The following MORC4 variants were observed in gnomAD, a reference collection of about 807,000 sequenced individuals.
MORC4 encodes MORC family CW-type zinc finger protein 4.
In MORC4, 22 loss-of-function variants were observed where a neutral mutation model predicts 65.5. That is an observed-to-expected ratio of 0.34 (90% CI 0.24 to 0.48). The LOEUF is 0.48. Ranked by LOEUF, MORC4 falls within the 20% of genes least tolerant of loss-of-function variation. The pLI, the probability that MORC4 is intolerant of heterozygous loss-of-function variation, is 0.99. For missense variants in MORC4, 624 were observed against 703.0 expected, an observed-to-expected ratio of 0.89 and a Z score of 1.27; for synonymous variants, 267 against 255.8, an observed-to-expected ratio of 1.04 and a Z score of -0.42.
chrX:106,944,120 A>T (rs1369556165), intron 14 of MORC4, among the ~76,000 whole-genome samples: 2 of 112,390 alleles, frequency 1.8e-5, no homozygotes, highest in Non-Finnish European at 3.8e-5. Context: ...AGCATCAGAC[A>T]TATGATTTGC....
In MORC4 at chrX:106,941,418, G is replaced by T; in HGVS notation, c.*61C>A. 2.5e-5 allele frequency: 21 copies of T among 855,505 alleles called. No homozygotes were observed. Among genetic ancestry groups the T allele is most frequent in the Non-Finnish European group, 3.0e-5 (18 of 609,950 alleles). 70.5% of individuals were successfully genotyped at this position (855,505 alleles called of 1,213,427 possible). On this transcript the variant is annotated 3_prime_UTR_variant, in exon 17 of 17. Transcript: ENST00000355610. ...AGAGAGAGAGAGAGAGAGACGTGAG[G>T]GAGGGAGAGAAAAGAGAACAGACAG... is the stretch of plus-strand genomic sequence containing the variant.
At chrX:106,946,201 T>C (rs1411430756) in intron 14 of MORC4, among the ~76,000 whole-genome samples, 1 of 111,738 alleles carries the variant, frequency 8.9e-6, no homozygotes, top group Non-Finnish European at 1.9e-5. Flanking sequence ...CAATCTAAGT[T>C]GTGAAAATAT....
intron 3 of MORC4, among the ~76,000 whole-genome samples, chrX:106,991,383 C>T (rs765267532): frequency 2.0e-4 from 23 of 112,592 alleles, no homozygotes; most frequent in South Asian, 7.4e-4. Context: ...GTGCCTTGCA[C>T]ACAGGTGCTC....
At chrX:106,964,899 C>T (rs1159387377) in intron 9 of MORC4, among the ~76,000 whole-genome samples, 3 of 108,996 alleles carry the variant, frequency 2.8e-5, no homozygotes, top group African/African-American at 6.7e-5. Context: ...ATCCCAGCTA[C>T]GTGGGAGGCT....
chrX:106,979,722 A>C (rs1296471153), intron 7 of MORC4, among the ~76,000 whole-genome samples: 1 of 110,719 alleles, frequency 9.0e-6, no homozygotes, highest in African/African-American at 3.3e-5. Flanking sequence ...CATGCATAGA[A>C]GTTTCCCTGA....
At chrX:106,994,287 T>A (rs184512030) in intron 2 of MORC4, among the ~76,000 whole-genome samples, 173 of 111,823 alleles carry the variant, frequency 1.5e-3, no homozygotes, top group South Asian at 6.4e-3. Context: ...TGGCCACAAT[T>A]GAGGGGCAGT....
In MORC4 at chrX:106,987,057, A is replaced by C. The variant is rs186713084; in HGVS notation, c.309-857T>G. 3.6e-5 allele frequency among the ~76,000 whole-genome samples: 4 copies of C among 112,108 alleles called. No individual in the cohort carries two copies. In the East Asian group the frequency reaches 1.1e-3, roughly 31 times the overall value. On this transcript the variant is annotated intron_variant, in intron 3 of 16. Coordinates refer to ENST00000355610, the MANE Select transcript of MORC4 (RefSeq NM_024657.5). ...CCTCACCATCAATAAAACTAATTGT[A>C]AGGATTGTTTCTCAGGATGAGAAGG...
intron 3 of MORC4, 85 bp from the exon 4 acceptor site, chrX:106,986,285 T>A (rs779828836): frequency 1.4e-4 from 97 of 712,882 alleles, no homozygotes; most frequent in Non-Finnish European, 2.0e-4. Context: ...AGGCAGAATA[T>A]TTGGCCTACA....
In MORC4 at chrX:106,954,951, T is replaced by C; in HGVS notation, c.1647A>G (p.Gln549=). 2 of 1,210,232 alleles carry C rather than the reference T, an allele frequency of 1.7e-6. No individual in the cohort carries two copies. Among genetic ancestry groups the C allele is most frequent in the African/African-American group, 1.7e-5 (1 of 57,739 alleles). The change falls in exon 14 of 17, where the codon CAA becomes CAG. Residue 549 remains glutamine, a synonymous_variant. Transcript: ENST00000355610. ...AAACACTGGAATCCAGAGGCTTAAG[T>C]TGAAGAGATGGTGATCTGCTTTCTT... ...GGEESRSPSL[Q]LKPLDSSVLQ... is the part of the protein sequence containing the mutation.
chrX:106,997,248 T>C (rs1403662576), intron 2 of MORC4, among the ~76,000 whole-genome samples: 3 of 112,242 alleles, frequency 2.7e-5, no homozygotes, highest in Non-Finnish European at 5.6e-5. Flanking sequence ...GACGTTCTCA[T>C]ATCCTATTTA....
chrX:106,987,866 G>GAA (rs11411066), intron 3 of MORC4, among the ~76,000 whole-genome samples: 40 of 100,802 alleles, frequency 4.0e-4, no homozygotes, highest in South Asian at 4.7e-4. Context: ...AGTCCTTTGG[G>GAA]AAAAAAAAAA....
chrX:106,999,870 T>C lies in MORC4; in HGVS notation c.100A>G (p.Thr34Ala). 4 of 839,223 alleles carry C rather than the reference T, an allele frequency of 4.8e-6. No individual in the cohort carries two copies. Among genetic ancestry groups the C allele is most frequent in the Non-Finnish European group, 5.8e-6 (4 of 692,973 alleles). 69.2% of individuals were successfully genotyped at this position (839,223 alleles called of 1,213,427 possible). Residue 34 changes from threonine (T) to alanine (A), a missense_variant and splice_region_variant, in exon 1 of 17, where the codon ACG becomes GCG. Thr to Ala is a moderately conservative substitution (Grantham distance 58). Coordinates refer to ENST00000355610, the MANE Select transcript of MORC4 (RefSeq NM_024657.5). Reference protein sequence around the residue: ...GPQAFGIRLSTMSPRYLQSNS... With the variant: ...GPQAFGIRLSAMSPRYLQSNS... ...GCCCCCTCGGGCCCCGGACCTACCG[T>C]GCTCAGGCGGATCCCGAAGGCCTGC...
At position 106,959,515 on chromosome X, in the gene MORC4, G is replaced by C. The variant is rs576002432; in HGVS notation, c.1257-1051C>G. On this transcript the variant is annotated intron_variant, in intron 10 of 16. Transcript: ENST00000355610. ...AATAATTTTCTTAACATCTTAAATT[G>C]TGCTTTTTATTTTCTTCTTGTTGTT... 2.2e-4 allele frequency among the ~76,000 whole-genome samples: 24 copies of C among 110,534 alleles called. No homozygotes were observed. The East Asian group carries it at 2.3e-3, about 10-fold the overall frequency.
chrX:106,995,642 C>T (rs1417378402), intron 2 of MORC4, among the ~76,000 whole-genome samples: 1 of 111,897 alleles, frequency 8.9e-6, no homozygotes, highest in Non-Finnish European at 1.9e-5. Context: ...ATCCATTCTT[C>T]TGTTGATGGA....
chrX:106,999,815 C>T (rs1290154298), intron 1 of MORC4, 53 bp downstream of exon 1: 8 of 931,023 alleles, frequency 8.6e-6, no homozygotes, highest in Admixed American at 6.3e-5. Context: ...CCGCGCGCCC[C>T]CCGCAGCCCA....
intron 14 of MORC4, among the ~76,000 whole-genome samples, chrX:106,951,750 C>A (rs931601290): frequency 1.2e-4 from 13 of 110,684 alleles, no homozygotes; most frequent in Admixed American, 4.8e-4. Context: ...GTAATCCCAG[C>A]ACTTTGGGAG....
At chrX:106,986,543 A>G (rs148707564) in intron 3 of MORC4, among the ~76,000 whole-genome samples, 29 of 111,748 alleles carry the variant, frequency 2.6e-4, no homozygotes, top group African/African-American at 9.1e-4. Flanking sequence ...TCTAGATAAA[A>G]CAGCTCTGAT....
Position 106,942,123 on chromosome X carries a change from C to T in MORC4, c.2475G>A (p.Leu825=). The T allele has an allele frequency of 8.3e-7, 1 of 1,211,367 alleles. No individual in the cohort carries two copies. Among genetic ancestry groups the T allele is most frequent in the African/African-American group, 1.7e-5 (1 of 57,704 alleles). ...VIYSTQEAEG[L]YWSKKHMGYR... is the part of the protein sequence containing the mutation. ...AACCCATGTGTTTCTTGCTCCAGTA[C>T]AAGCCTTCCGCCTCCTGGGTACTGT... Residue 825 remains leucine (L), a synonymous_variant, in exon 16 of 17, where the codon TTG becomes TTA. Transcript: ENST00000355610.
chrX:106,971,076 C>T lies in MORC4; in HGVS notation c.1157+5508G>A, dbSNP rs189136146. Among the ~76,000 whole-genome samples, 530 of 111,629 alleles carry T rather than the reference C, an allele frequency of 4.7e-3. 2 individuals carry two copies. The highest frequency in any genetic ancestry group is 0.016 in the African/African-American group (502 of 30,692). On this transcript the variant is annotated intron_variant, in intron 9 of 16. Coordinates refer to ENST00000355610, the MANE Select transcript of MORC4 (RefSeq NM_024657.5). Reference sequence around the variant, plus strand: ...CCAGACTTCAAACTTTACTACAAGGCTACAGTAACCAAAACAGCATGGTAC... The same window carrying T: ...CCAGACTTCAAACTTTACTACAAGGTTACAGTAACCAAAACAGCATGGTAC...
Sources: allele counts gnomAD v4.1 joint callset (sites outside exome capture counted in the v4.1 genomes callset), GRCh38; gene constraint gnomAD v4.1.1; transcripts MANE v1.5; gene names NCBI Gene and HGNC (gene_info 2026-07-23, HGNC 2026-07-21).